SORCS2: variants seen among roughly 807,000 people sequenced by gnomAD.
The protein encoded by SORCS2 is VPS10 domain-containing receptor SorCS2.
SORCS2 carries 100 observed loss-of-function variants against 141.6 expected under a neutral mutation model. The ratio of observed to expected loss-of-function variants is 0.71; its 90% CI spans 0.60 to 0.83. SORCS2 has a LOEUF of 0.83. SORCS2 is among the 40% of genes least tolerant of loss of function. SORCS2 has a pLI of 0.00. For synonymous variants in SORCS2, 789 were observed against 676.9 expected, an observed-to-expected ratio of 1.17 and a Z score of -2.57; for missense variants, 1,646 against 1,560.2, an observed-to-expected ratio of 1.05 and a Z score of -0.93.
intron 23 of SORCS2, among the ~76,000 whole-genome samples, chr4:7,730,215 A>G (rs1711556933): frequency 6.6e-6 from 1 of 152,186 alleles, no homozygotes; most frequent in South Asian, 2.1e-4. Flanking sequence ...GGACTCAAAG[A>G]TGAACCAGAA....
intron 1 of SORCS2, among the ~76,000 whole-genome samples, chr4:7,353,174 T>A (rs541683636): frequency 6.6e-6 from 1 of 152,224 alleles, no homozygotes; most frequent in African/African-American, 2.4e-5. Context: ...GAGAGTGAAC[T>A]GCCAGCGAGG....
At chr4:7,636,763 C>T (rs1428172515) in intron 3 of SORCS2, among the ~76,000 whole-genome samples, 1 of 152,056 alleles carries the variant, frequency 6.6e-6, no homozygotes, top group African/African-American at 2.4e-5. Flanking sequence ...TAACACGATT[C>T]CCGGTTGGAG....
intron 3 of SORCS2, among the ~76,000 whole-genome samples, chr4:7,619,639 G>A (rs942212839): frequency 1.3e-5 from 2 of 152,110 alleles, no homozygotes; most frequent in African/African-American, 2.4e-5. Context: ...CCAGTGTCCC[G>A]ACAGAGGTTG....
intron 1 of SORCS2, among the ~76,000 whole-genome samples, chr4:7,294,126 G>T (rs918967616): frequency 6.6e-5 from 10 of 152,154 alleles, no homozygotes; most frequent in Non-Finnish European, 1.3e-4. Flanking sequence ...GGTTAGTTAC[G>T]TCTCATCAGC....
intron 11 of SORCS2, among the ~76,000 whole-genome samples, chr4:7,692,248 C>T (rs900534041): frequency 6.6e-6 from 1 of 152,182 alleles, no homozygotes; most frequent in East Asian, 1.9e-4. Context: ...CACGTGACCG[C>T]ACTGCTGGAG....
At chr4:7,429,127 G>A (rs1726652362) in intron 2 of SORCS2, among the ~76,000 whole-genome samples, 1 of 152,188 alleles carries the variant, frequency 6.6e-6, no homozygotes, top group Non-Finnish European at 1.5e-5. Flanking sequence ...GCACTGCATT[G>A]AGGCACATGC....
chr4:7,702,947 G>A (rs899466626), intron 12 of SORCS2, among the ~76,000 whole-genome samples: 1 of 152,218 alleles, frequency 6.6e-6, no homozygotes, highest in African/African-American at 2.4e-5. Flanking sequence ...ATATTTTTCT[G>A]TTTCTTTCTC....
intron 3 of SORCS2, 149 bp downstream of exon 3, chr4:7,531,778 C>G (rs1254850005): frequency 1.3e-6 from 1 of 772,732 alleles, no homozygotes; most frequent in African/African-American, 1.7e-5. Context: ...CTCACTGCCA[C>G]CCTTCCCGGT....
chr4:7,542,277 C>A (rs990295656), intron 3 of SORCS2, among the ~76,000 whole-genome samples: 1 of 152,148 alleles, frequency 6.6e-6, no homozygotes, highest in Non-Finnish European at 1.5e-5. Context: ...TTGTGCCCCC[C>A]AAAAAAATAT....
chr4:7,302,790 C>CGTGTGTGTGTGTGT (rs1560176462), intron 1 of SORCS2, among the ~76,000 whole-genome samples: 1 of 147,372 alleles, frequency 6.8e-6, no homozygotes, highest in South Asian at 2.1e-4. Flanking sequence ...TGTGTGTGTG[C>CGTGTGTGTGTGTGT]GCGCGCGTGT....
intron 2 of SORCS2, among the ~76,000 whole-genome samples, chr4:7,417,912 G>T (rs1377138222): frequency 1.3e-5 from 2 of 152,228 alleles, no homozygotes; most frequent in African/African-American, 2.4e-5. Flanking sequence ...CAAGTTTTCA[G>T]TTGATGCCAC....
At chr4:7,396,608 T>A (rs1724230979) in intron 2 of SORCS2, among the ~76,000 whole-genome samples, 1 of 152,206 alleles carries the variant, frequency 6.6e-6, no homozygotes, top group Non-Finnish European at 1.5e-5. Flanking sequence ...TTCTTTCTGT[T>A]TTTCTCCCCG....
chr4:7,339,686 T>A (rs1017672063), intron 1 of SORCS2, among the ~76,000 whole-genome samples: 1 of 152,180 alleles, frequency 6.6e-6, no homozygotes, highest in Non-Finnish European at 1.5e-5. Context: ...AAAGGCCCTA[T>A]CTCCAAATAA....
chr4:7,555,248 A>G lies in SORCS2; in HGVS notation c.648+23619A>G, dbSNP rs145962357. ...GTTGCTATTAAACTGTCTTGTTTTA[A>G]TGGCCACTTTCCCAAAGAGCAGTTA... is the stretch of plus-strand genomic sequence containing the variant. On this transcript the variant is annotated intron_variant, in intron 3 of 26. Coordinates refer to ENST00000507866, the MANE Select transcript of SORCS2 (RefSeq NM_020777.3). Among the ~76,000 whole-genome samples, 538 of 152,358 alleles carry G rather than the reference A, an allele frequency of 3.5e-3. 2 individuals carry two copies. The highest frequency in any genetic ancestry group is 6.0e-3 in the Non-Finnish European group (408 of 68,036).
At chr4:7,351,963 C>A (rs1430930430) in intron 1 of SORCS2, among the ~76,000 whole-genome samples, 1 of 152,176 alleles carries the variant, frequency 6.6e-6, no homozygotes, top group Non-Finnish European at 1.5e-5. Flanking sequence ...TATTTGCCTA[C>A]TCCCTCGCCT....
At chr4:7,337,639 G>T (rs1720069637) in intron 1 of SORCS2, among the ~76,000 whole-genome samples, 2 of 150,302 alleles carry the variant, frequency 1.3e-5, no homozygotes, top group African/African-American at 4.9e-5. Flanking sequence ...TGTTGAAGAT[G>T]GTGGGAAGCC....
chr4:7,525,756 C>T (rs1411021437), intron 2 of SORCS2, among the ~76,000 whole-genome samples: 3 of 113,906 alleles, frequency 2.6e-5, no homozygotes, highest in Non-Finnish European at 5.5e-5. Context: ...CCTGTGCCCT[C>T]CTGCAATCAC....
chr4:7,589,855 C>T (rs1716795024), intron 3 of SORCS2, among the ~76,000 whole-genome samples: 1 of 152,158 alleles, frequency 6.6e-6, no homozygotes, highest in Admixed American at 6.5e-5. Flanking sequence ...ATGGCAGAGC[C>T]AAATTTGAAC....
chr4:7,275,762 G>A (rs1003437461), intron 1 of SORCS2, among the ~76,000 whole-genome samples: 1 of 152,168 alleles, frequency 6.6e-6, no homozygotes, highest in African/African-American at 2.4e-5. Context: ...AATGGAGGCA[G>A]TTCTCCAGCA....
Sources: allele counts gnomAD v4.1 joint callset (sites outside exome capture counted in the v4.1 genomes callset), GRCh38; gene constraint gnomAD v4.1.1; transcripts MANE v1.5; gene names NCBI Gene and HGNC (gene_info 2026-07-23, HGNC 2026-07-21).